L3MBTL3: variants seen among roughly 807,000 people sequenced by gnomAD.
L3MBTL3 encodes the protein L3MBTL histone methyl-lysine binding protein 3, also known as lethal(3)malignant brain tumor-like protein 3.
In L3MBTL3, 27 loss-of-function variants were observed where a neutral mutation model predicts 102.3. That is an observed-to-expected ratio of 0.26 (90% CI 0.19 to 0.36). L3MBTL3 has a LOEUF of 0.36. Among genes scored for constraint, L3MBTL3 ranks in the 10% least tolerant of loss-of-function variants. The probability of loss-of-function intolerance (pLI) is 1.00; values close to 1 mark genes in which losing one functional copy is unlikely to be tolerated. For synonymous variants in L3MBTL3, 340 were observed against 320.9 expected (o/e 1.06, Z -0.64); for missense variants, 798 against 955.3 (o/e 0.84, Z 2.17).
intron 9 of L3MBTL3, among the ~76,000 whole-genome samples, chr6:130,058,692 C>T (rs770418962): frequency 6.6e-6 from 1 of 152,152 alleles, no homozygotes; most frequent in Non-Finnish European, 1.5e-5. Context: ...TCTGTTGCAA[C>T]GACTCAGTTA....
intron 3 of L3MBTL3, among the ~76,000 whole-genome samples, chr6:130,047,394 A>G (rs1780791656): frequency 6.6e-6 from 1 of 152,218 alleles, no homozygotes; most frequent in Non-Finnish European, 1.5e-5. Context: ...CTTTGAAAGT[A>G]TTTGAACCTG....
chr6:130,098,700 A>G (rs1784501898), intron 18 of L3MBTL3, among the ~76,000 whole-genome samples: 1 of 152,042 alleles, frequency 6.6e-6, no homozygotes, highest in Non-Finnish European at 1.5e-5. Flanking sequence ...TGTTTTATAG[A>G]TGAGGAGACA....
intron 13 of L3MBTL3, among the ~76,000 whole-genome samples, chr6:130,073,259 A>G (rs1177437093): frequency 6.6e-6 from 1 of 152,172 alleles, no homozygotes; most frequent in African/African-American, 2.4e-5. Context: ...AAATTTCAAA[A>G]ACAGTAAAGA....
Position 130,066,401 on chromosome 6 carries a change from T to C in L3MBTL3, c.913T>C (p.Tyr305His), listed in dbSNP as rs1185280290. Residue 305 changes from tyrosine to histidine, a missense_variant, in exon 11 of 23, where the codon TAT (tyrosine) becomes CAT (histidine). Coordinates refer to ENST00000361794, the MANE Select transcript of L3MBTL3 (RefSeq NM_032438.4). ...TCACTTTGATGGGTATTCTGATTGC[T>C]ATGACTTCTGGGTGAATGCAGACGC... ...KLHFDGYSDC[Y>H]DFWVNADALD... The C allele has an allele frequency of 1.9e-6, 3 of 1,611,730 alleles. No homozygotes were observed. In the South Asian group the frequency reaches 3.3e-5, roughly 18 times the overall value.
At position 130,039,315 on chromosome 6, in the gene L3MBTL3, T is replaced by C. The variant is rs183297791; in HGVS notation, c.-15-3370T>C. Among the ~76,000 whole-genome samples the C allele has an allele frequency of 2.8e-3, 426 of 152,158 alleles. 3 individuals carry two copies. The highest frequency in any genetic ancestry group is 9.9e-3 in the African/African-American group (411 of 41,538). Reference sequence around the variant, plus strand: ...AAAGTACATGCTGTCATCATTTTGCTTAAAAAAAAGCAACAGTATTTCTTT... The same window carrying C: ...AAAGTACATGCTGTCATCATTTTGCCTAAAAAAAAGCAACAGTATTTCTTT... On this transcript the variant is annotated intron_variant, in intron 2 of 22. Coordinates refer to ENST00000361794, the MANE Select transcript of L3MBTL3 (RefSeq NM_032438.4).
At chr6:130,038,585 G>A (rs1464728568) in intron 2 of L3MBTL3, among the ~76,000 whole-genome samples, 1 of 151,866 alleles carries the variant, frequency 6.6e-6, no homozygotes. Flanking sequence ...AAATATCTGT[G>A]TAGATCATTT....
At position 130,086,067 on chromosome 6, in the gene L3MBTL3, C is replaced by T; in HGVS notation, c.1408-73C>T. ...CGCGCCTGGCCAGCTTTTTCTTCTT[C>T]TTCTTCTTTGTAACATCAAGTTTAC... On this transcript the variant is annotated intron_variant, in intron 15 of 22. Transcript: ENST00000361794. 2.9e-6 allele frequency: 3 copies of T among 1,050,620 alleles called. No homozygotes were observed. In the South Asian group the frequency reaches 3.9e-5, roughly 14 times the overall value. 65.1% of individuals were successfully genotyped at this position (1,050,620 alleles called of 1,614,324 possible).
intron 12 of L3MBTL3, among the ~76,000 whole-genome samples, chr6:130,069,571 A>C (rs1562283726): frequency 6.6e-6 from 1 of 151,028 alleles, no homozygotes; most frequent in Non-Finnish European, 1.5e-5. Context: ...AGGATAGTGT[A>C]ATTGCCAAAG....
In L3MBTL3 at chr6:130,108,220, G is replaced by GTTTTTTTT. The variant is rs376419261; in HGVS notation, c.1886+3648_1886+3655dup. Among the ~76,000 whole-genome samples the GTTTTTTTT allele has an allele frequency of 1.5e-3, 173 of 118,664 alleles. 36 individuals carry two copies. Among genetic ancestry groups the GTTTTTTTT allele is most frequent in the Non-Finnish European group, 1.8e-3 (103 of 56,108 alleles). The allele number at this position is 118,664 out of a possible 152,430, so 77.8% of individuals were successfully genotyped here. A position where few individuals can be genotyped will look rare whatever the true frequency, so the allele number is the denominator to read the frequency against. ...ATAAGCCCTCAATAAATGTTAGGTG[G>GTTTTTTTT]TTTTTTTTTTGTTTTTTTTTTTTTT... On this transcript the variant is annotated intron_variant, in intron 19 of 22. Transcript: ENST00000361794.
At chr6:130,117,739 A>G (rs991215642) in intron 19 of L3MBTL3, among the ~76,000 whole-genome samples, 16 of 151,986 alleles carry the variant, frequency 1.1e-4, no homozygotes, top group African/African-American at 3.9e-4. Context: ...TCACTTTGTC[A>G]CCGAGGCTGA....
intron 1 of L3MBTL3, chr6:130,019,516 C>A (rs567283694): frequency 6.6e-6 from 1 of 151,558 alleles, no homozygotes; most frequent in East Asian, 2.0e-4. Flanking sequence ...TCTCCCCTTT[C>A]GGGCTGCGGA....
At chr6:130,077,631 C>T (rs1298414493) in intron 13 of L3MBTL3, among the ~76,000 whole-genome samples, 1 of 152,230 alleles carries the variant, frequency 6.6e-6, no homozygotes, top group African/African-American at 2.4e-5. Flanking sequence ...TAATCTCACC[C>T]ACTTACGATA....
At chr6:130,077,440 G>T (rs552172472) in intron 13 of L3MBTL3, among the ~76,000 whole-genome samples, 19 of 152,106 alleles carry the variant, frequency 1.2e-4, no homozygotes, top group African/African-American at 4.6e-4. Flanking sequence ...ATAGTTTGTG[G>T]TAGAAACAGT....
At chr6:130,127,609 G>A (rs1412904980) in intron 20 of L3MBTL3, among the ~76,000 whole-genome samples, 1 of 151,808 alleles carries the variant, frequency 6.6e-6, no homozygotes, top group Non-Finnish European at 1.5e-5. Flanking sequence ...AAACATCCTT[G>A]TTTGCTGCTT....
intron 19 of L3MBTL3, among the ~76,000 whole-genome samples, chr6:130,107,454 A>G (rs1582583630): frequency 6.6e-6 from 1 of 152,228 alleles, no homozygotes; most frequent in South Asian, 2.1e-4. Flanking sequence ...GTTTAACTAA[A>G]AAGAATTTAA....
intron 20 of L3MBTL3, among the ~76,000 whole-genome samples, chr6:130,125,823 A>G (rs1298482661): frequency 2.0e-5 from 3 of 152,126 alleles, no homozygotes; most frequent in Admixed American, 2.0e-4. Flanking sequence ...GTTGCTTTAC[A>G]ATGTCAAGAG....
At chr6:130,056,820 C>T (rs1781540366) in intron 8 of L3MBTL3, among the ~76,000 whole-genome samples, 2 of 152,100 alleles carry the variant, frequency 1.3e-5, no homozygotes, top group Admixed American at 1.3e-4. Context: ...CTGTTCCAGT[C>T]TCATCCCCAA....
At chr6:130,051,685 C>G (rs1232434886) in intron 6 of L3MBTL3, among the ~76,000 whole-genome samples, 1 of 152,200 alleles carries the variant, frequency 6.6e-6, no homozygotes, top group East Asian at 1.9e-4. Flanking sequence ...TTGTCTTCAG[C>G]TAAGAGTATT....
At chr6:130,119,264 T>C (rs959813115) in intron 19 of L3MBTL3, among the ~76,000 whole-genome samples, 8 of 152,196 alleles carry the variant, frequency 5.3e-5, no homozygotes, top group African/African-American at 1.7e-4. Flanking sequence ...TATATGACTG[T>C]AGTGTATGGT....
Sources: allele counts gnomAD v4.1 joint callset (sites outside exome capture counted in the v4.1 genomes callset), GRCh38; gene constraint gnomAD v4.1.1; transcripts MANE v1.5; gene names NCBI Gene and HGNC (gene_info 2026-07-23, HGNC 2026-07-21).